KATNAL2: variants seen among roughly 807,000 people sequenced by gnomAD.
The protein encoded by KATNAL2 is katanin catalytic subunit A1 like 2.
KATNAL2 carries 52 observed loss-of-function variants against 76.3 expected under a neutral mutation model. The ratio of observed to expected loss-of-function variants is 0.68; its 90% CI spans 0.55 to 0.86. The LOEUF is 0.86. Among genes scored for constraint, KATNAL2 ranks in the 40% least tolerant of loss-of-function variants. The pLI, the probability that KATNAL2 is intolerant of heterozygous loss-of-function variation, is 0.00. For missense variants in KATNAL2, 660 were observed against 668.9 expected, an observed-to-expected ratio of 0.99 and a Z score of 0.15; for synonymous variants, 243 against 244.2, an observed-to-expected ratio of 1.00 and a Z score of 0.05.
At chr18:47,060,786 G>A (rs1199240765) in intron 8 of KATNAL2, among the ~76,000 whole-genome samples, 1 of 152,138 alleles carries the variant, frequency 6.6e-6, no homozygotes, top group Non-Finnish European at 1.5e-5. Flanking sequence ...CCCTTTAAGG[G>A]CCTCACTTAC....
At chr18:47,097,222 A>G (rs981018037) in intron 15 of KATNAL2, among the ~76,000 whole-genome samples, 1 of 152,166 alleles carries the variant, frequency 6.6e-6, no homozygotes, top group Non-Finnish European at 1.5e-5. Flanking sequence ...AAGATCATTA[A>G]TAGATGCTAA....
At chr18:46,922,609 C>T (rs895922707) in intron 1 of KATNAL2, among the ~76,000 whole-genome samples, 1 of 151,834 alleles carries the variant, frequency 6.6e-6, no homozygotes, top group Non-Finnish European at 1.5e-5. Flanking sequence ...GCCTGACCAA[C>T]GTGGTGAAAC....
At chr18:47,032,841 C>G in intron 3 of KATNAL2, 2 of 1,419,966 alleles carry the variant, frequency 1.4e-6, no homozygotes, top group Admixed American at 2.2e-5. Context: ...GTGTGGGAGG[C>G]AAAATCACAG....
At chr18:47,058,437 T>G in intron 7 of KATNAL2, 85 bp downstream of exon 7, 1 of 791,068 alleles carries the variant, frequency 1.3e-6, no homozygotes, top group Non-Finnish European at 2.1e-6. Context: ...ATTTATTTTT[T>G]GAGGACCTAC....
At chr18:47,080,986 T>TCCTCCCTCCCTCCTTCCTTC (rs1316205347) in intron 15 of KATNAL2, among the ~76,000 whole-genome samples, 1 of 150,808 alleles carries the variant, frequency 6.6e-6, no homozygotes, top group Non-Finnish European at 1.5e-5. Context: ...CTTCCTTCCT[T>TCCTCCCTCCCTCCTTCCTTC]CCTCCCTCCC....
At chr18:47,031,849 T>A (rs892450174) in intron 3 of KATNAL2, among the ~76,000 whole-genome samples, 1 of 152,224 alleles carries the variant, frequency 6.6e-6, no homozygotes, top group Non-Finnish European at 1.5e-5. Flanking sequence ...CTTGTCTTCC[T>A]GAAATGCAGT....
intron 1 of KATNAL2, among the ~76,000 whole-genome samples, chr18:46,928,315 C>T (rs1256072080): frequency 1.3e-5 from 2 of 152,168 alleles, no homozygotes; most frequent in Non-Finnish European, 2.9e-5. Flanking sequence ...ACAGGACCCT[C>T]AGCTGCAGGT....
intron 15 of KATNAL2, among the ~76,000 whole-genome samples, chr18:47,086,607 G>T (rs915554271): frequency 9.9e-5 from 15 of 152,148 alleles, no homozygotes; most frequent in Non-Finnish European, 1.8e-4. Flanking sequence ...GAGCCACTGT[G>T]CCCAGCCTGT....
intron 3 of KATNAL2, 48 bp from the exon 4 acceptor site, chr18:47,046,409 C>A: frequency 8.2e-7 from 1 of 1,213,968 alleles, no homozygotes; most frequent in Non-Finnish European, 1.2e-6. Context: ...GCCGTAGGAG[C>A]AGTGTTATTT....
chr18:47,033,385 C>T, intron 3 of KATNAL2: 1 of 1,614,150 alleles, frequency 6.2e-7, no homozygotes, highest in Non-Finnish European at 8.5e-7. Flanking sequence ...ACGTGCAGAT[C>T]GGATATTCGT....
intron 3 of KATNAL2, among the ~76,000 whole-genome samples, chr18:46,948,666 G>A (rs1051889543): frequency 1.3e-5 from 2 of 151,806 alleles, no homozygotes; most frequent in Non-Finnish European, 2.9e-5. Flanking sequence ...GACCTCAGGT[G>A]ATCCGCCTGC....
intron 3 of KATNAL2, among the ~76,000 whole-genome samples, chr18:46,950,973 C>T (rs1381042971): frequency 6.6e-6 from 1 of 152,138 alleles, no homozygotes; most frequent in East Asian, 1.9e-4. Flanking sequence ...CGTGAGCCAC[C>T]GTGCCCGGCG....
At chr18:46,961,593 T>G (rs1284570397) in intron 3 of KATNAL2, among the ~76,000 whole-genome samples, 1 of 152,222 alleles carries the variant, frequency 6.6e-6, no homozygotes, top group Non-Finnish European at 1.5e-5. Context: ...AAAGACATTT[T>G]TCAAATACAG....
At chr18:47,035,526 T>G (rs2060732694) in intron 3 of KATNAL2, 3 of 703,190 alleles carry the variant, frequency 4.3e-6, no homozygotes, top group Non-Finnish European at 7.1e-6. Flanking sequence ...ACCTCTGCAG[T>G]TTGCTGTGCA....
intron 15 of KATNAL2, chr18:47,098,241 T>C: frequency 2.5e-6 from 1 of 395,916 alleles, no homozygotes; most frequent in South Asian, 1.9e-5. Context: ...AAAAGTGTAC[T>C]AGTCCATTTT....
intron 4 of KATNAL2, among the ~76,000 whole-genome samples, chr18:47,052,471 AT>A (rs1207823764): frequency 6.6e-6 from 1 of 152,202 alleles, no homozygotes; most frequent in Non-Finnish European, 1.5e-5. Context: ...GGGTTTTATC[AT>A]TTTGCCAAAT....
intron 3 of KATNAL2, among the ~76,000 whole-genome samples, chr18:46,961,146 A>AT (rs1310789052): frequency 1.3e-5 from 2 of 152,218 alleles, no homozygotes; most frequent in African/African-American, 4.8e-5. Context: ...TCAGGGGTAG[A>AT]TTTTTTAATT....
intron 1 of KATNAL2, among the ~76,000 whole-genome samples, chr18:46,943,510 A>G (rs574865235): frequency 6.6e-6 from 1 of 152,212 alleles, no homozygotes; most frequent in Non-Finnish European, 1.5e-5. Flanking sequence ...CTACACTCCC[A>G]CCAGCACCAT....
intron 15 of KATNAL2, among the ~76,000 whole-genome samples, chr18:47,078,480 T>C (rs1294586473): frequency 1.3e-5 from 2 of 152,204 alleles, no homozygotes; most frequent in African/African-American, 2.4e-5. Flanking sequence ...AGGATCTATA[T>C]ATAATAATAT....
Sources: gnomAD v4.1 joint callset for allele counts (sites outside exome capture counted in the v4.1 genomes callset) on GRCh38, gnomAD v4.1.1 for gene constraint, MANE v1.5 for transcripts, NCBI Gene and HGNC (gene_info 2026-07-23, HGNC 2026-07-21) for gene names.